PRIMPOL: variants seen among roughly 807,000 people sequenced by gnomAD.
PRIMPOL encodes the protein DNA-directed primase/polymerase protein.
A neutral mutation model predicts 63.6 loss-of-function variants in PRIMPOL; 54 were observed. The ratio of observed to expected loss-of-function variants is 0.85; its 90% CI spans 0.68 to 1.07. The LOEUF is 1.07. Ranked by LOEUF, PRIMPOL falls within the 50% of genes least tolerant of loss-of-function variation. PRIMPOL has a pLI of 0.00. For synonymous variants in PRIMPOL, 197 were observed against 220.2 expected, an observed-to-expected ratio of 0.89 and a Z score of 0.93; for missense variants, 610 against 648.3, an observed-to-expected ratio of 0.94 and a Z score of 0.64.
intron 11 of PRIMPOL, among the ~76,000 whole-genome samples, chr4:184,686,528 C>T (rs890969861): frequency 6.6e-6 from 1 of 151,296 alleles, no homozygotes; most frequent in Admixed American, 6.6e-5. Flanking sequence ...TTTAAAACGC[C>T]CATGGGAAGA....
rs563114675 is a variant in PRIMPOL at position 184,664,028 on chromosome 4, T to C, written c.409-1889T>C. 2.6e-5 allele frequency among the ~76,000 whole-genome samples: 4 copies of C among 152,364 alleles called. No individual in the cohort carries two copies. In the East Asian group the frequency reaches 7.7e-4, roughly 29 times the overall value. ...GCCCCTTCTCCACAGTTAGAATGAA[T>C]TCTGGTGCTAATGTATTTTATTAGG... On this transcript the variant is annotated intron_variant, in intron 5 of 13. Transcript: ENST00000314970.
Position 184,682,267 on chromosome 4 carries a change from A to T in PRIMPOL, c.1027A>T (p.Ile343Phe), listed in dbSNP as rs751346407. 2 of 1,596,032 alleles carry T rather than the reference A, an allele frequency of 1.3e-6. No homozygotes were observed. The highest frequency in any genetic ancestry group is 2.2e-5 in the South Asian group (2 of 90,172). The change falls in exon 9 of 14, where the codon ATT (isoleucine) becomes TTT (phenylalanine). Residue 343 changes from isoleucine (I) to phenylalanine (F), a missense_variant. By Grantham distance (21) the Ile-to-Phe change is conservative. Coordinates refer to ENST00000314970, the MANE Select transcript of PRIMPOL (RefSeq NM_152683.4). Reference protein sequence around the residue: ...SNVRFSDTLRILTCEPSQNKQ... With the variant: ...SNVRFSDTLRFLTCEPSQNKQ... ...CTTCAGGTTCTCAGATACTTTACGA[A>T]TTCTTACATGTGAGCCATCTCAGAA...
chr4:184,691,234 T>G (rs939092126), intron 11 of PRIMPOL: 1 of 321,932 alleles, frequency 3.1e-6, no homozygotes, highest in Admixed American at 4.6e-5. Context: ...ATTTTGCAGC[T>G]GTATTATTTG....
chr4:184,678,669 A>G (rs1385594280), intron 8 of PRIMPOL, among the ~76,000 whole-genome samples: 1 of 151,720 alleles, frequency 6.6e-6, no homozygotes, highest in Non-Finnish European at 1.5e-5. Flanking sequence ...CTGGGACTAC[A>G]GGCGCCTGCC....
At chr4:184,693,082 AGGTGATGG>A (rs1759328252) in intron 13 of PRIMPOL, among the ~76,000 whole-genome samples, 1 of 152,188 alleles carries the variant, frequency 6.6e-6, no homozygotes, top group African/African-American at 2.4e-5. Context: ...CAAGCAGAAC[AGGTGATGG>A]GGTTTATATT....
At chr4:184,678,156 AAACTT>A (rs1477802898) in intron 7 of PRIMPOL, 71 bp from the exon 8 acceptor site, 17 of 906,912 alleles carry the variant, frequency 1.9e-5, no homozygotes, top group Non-Finnish European at 2.6e-5. Flanking sequence ...TGCTATATAA[AAACTT>A]AATATTTGCT....
intron 13 of PRIMPOL, 77 bp from the exon 14 acceptor site, chr4:184,694,445 G>T: frequency 1.3e-6 from 2 of 1,510,556 alleles, no homozygotes; most frequent in East Asian, 2.3e-5. Context: ...CTTCAACATA[G>T]AGTATAAGGT....
intron 11 of PRIMPOL, among the ~76,000 whole-genome samples, chr4:184,686,352 T>G (rs1319921601): frequency 6.6e-6 from 1 of 152,196 alleles, no homozygotes; most frequent in African/African-American, 2.4e-5. Flanking sequence ...CCTTATGGAC[T>G]CTACGTCGAA....
intron 2 of PRIMPOL, among the ~76,000 whole-genome samples, chr4:184,655,945 C>T (rs753037626): frequency 6.6e-6 from 1 of 152,156 alleles, no homozygotes; most frequent in Non-Finnish European, 1.5e-5. Context: ...AAAGACAAAA[C>T]AACCAAATTT....
intron 11 of PRIMPOL, among the ~76,000 whole-genome samples, chr4:184,687,222 T>C (rs1447629855): frequency 6.6e-6 from 1 of 152,044 alleles, no homozygotes; most frequent in Admixed American, 6.5e-5. Context: ...AAGTGTGTAC[T>C]ACCATGCCCG....
intron 11 of PRIMPOL, among the ~76,000 whole-genome samples, chr4:184,688,327 T>C (rs976894773): frequency 6.6e-6 from 1 of 152,252 alleles, no homozygotes; most frequent in Non-Finnish European, 1.5e-5. Context: ...ACCAACACTT[T>C]AGTATTGTTA....
chr4:184,664,975 T>C (rs1749442857), intron 5 of PRIMPOL, among the ~76,000 whole-genome samples: 1 of 152,200 alleles, frequency 6.6e-6, no homozygotes, highest in Non-Finnish European at 1.5e-5. Flanking sequence ...CAGTGTGGTG[T>C]TAGAAGAATC....
rs574175189 is a variant in PRIMPOL at position 184,662,911 on chromosome 4, A to C, written c.408+1008A>C. Among the ~76,000 whole-genome samples, 105 of 149,162 alleles carry C rather than the reference A, an allele frequency of 7.0e-4. 1 individual carries two copies. The East Asian group carries it at 0.013, about 19-fold the overall frequency. ...ATATATAAAGTCCCCCACCACCCCCAAAAAAAACCCCAAATTATATTTTTC... is the reference window on the plus strand; with the variant it reads ...ATATATAAAGTCCCCCACCACCCCCCAAAAAAACCCCAAATTATATTTTTC... On this transcript the variant is annotated intron_variant, in intron 5 of 13. Transcript: ENST00000314970.
At chr4:184,668,331 T>G (rs1750644342) in intron 6 of PRIMPOL, among the ~76,000 whole-genome samples, 1 of 152,246 alleles carries the variant, frequency 6.6e-6, no homozygotes, top group African/African-American at 2.4e-5. Context: ...ATCCTTGCCC[T>G]CTCTGTGCCT....
chr4:184,683,783 A>G (rs895037925), intron 9 of PRIMPOL, among the ~76,000 whole-genome samples: 5 of 152,264 alleles, frequency 3.3e-5, no homozygotes, highest in South Asian at 2.1e-4. Context: ...ATATTTTCAT[A>G]TATTGTTATT....
At chr4:184,650,301 C>T (rs1280467124) in intron 1 of PRIMPOL, among the ~76,000 whole-genome samples, 2 of 152,206 alleles carry the variant, frequency 1.3e-5, no homozygotes, top group Admixed American at 1.3e-4. Flanking sequence ...ACGAACCAAT[C>T]CAGAGGGAGT....
chr4:184,690,561 G>A (rs1317649985), intron 11 of PRIMPOL, among the ~76,000 whole-genome samples: 1 of 152,186 alleles, frequency 6.6e-6, no homozygotes, highest in Non-Finnish European at 1.5e-5. Context: ...CCAGGTTCAA[G>A]TGATTCTCCT....
At chr4:184,657,995 A>AAAAT (rs58284286) in intron 3 of PRIMPOL, among the ~76,000 whole-genome samples, 75,410 of 134,770 alleles carry the variant, frequency 0.56, 22,656 homozygotes, top group Non-Finnish European at 0.7. Context: ...CTCCATCTCA[A>AAAAT]AAATAAATAA....
chr4:184,672,346 A>G lies in PRIMPOL; in HGVS notation c.730A>G (p.Thr244Ala). 1 of 1,614,190 alleles carries G rather than the reference A, an allele frequency of 6.2e-7. No individual in the cohort carries two copies. Among genetic ancestry groups the G allele is most frequent in the Non-Finnish European group, 8.5e-7 (1 of 1,180,022 alleles). The change falls in exon 7 of 14, where the codon ACA (threonine) becomes GCA (alanine). Residue 244 changes from threonine (T) to alanine (A), a missense_variant. This residue lies in a region of PRIMPOL where 444 missense variants were observed against 456.4 expected (regional missense o/e 0.97). Coordinates refer to ENST00000314970, the MANE Select transcript of PRIMPOL (RefSeq NM_152683.4). The stretch of plus-strand genomic sequence containing the variant: ...AGAAAAGGCTACAGAGGAAAGCTGG[A>G]CATCGAATTCAAAGAAACTGGAGAG... ...FTEKATEESW[T>A]SNSKKLERLG...
Sources: allele counts gnomAD v4.1 joint callset (sites outside exome capture counted in the v4.1 genomes callset), GRCh38; gene constraint gnomAD v4.1.1; regional missense constraint gnomAD v4.1.1; transcripts MANE v1.5; gene names NCBI Gene and HGNC (gene_info 2026-07-23, HGNC 2026-07-21).